The following NSD1 variants were observed in gnomAD, a reference collection of about 807,000 sequenced individuals.
The protein encoded by NSD1 is histone-lysine N-methyltransferase, H3 lysine-36 specific.
A neutral mutation model predicts 242.7 loss-of-function variants in NSD1; 26 were observed. That is an observed-to-expected ratio of 0.11 (90% CI 0.08 to 0.15). NSD1 has a LOEUF of 0.15. Ranked by LOEUF, NSD1 falls within the 10% of genes least tolerant of loss-of-function variation. The pLI is 1.00. For missense variants in NSD1, 2,495 were observed against 3,272.8 expected, an observed-to-expected ratio of 0.76 and a Z score of 5.80; for synonymous variants, 1,106 against 1,178.1, an observed-to-expected ratio of 0.94 and a Z score of 1.25.
intron 2 of NSD1, among the ~76,000 whole-genome samples, chr5:177,138,764 T>C (rs1189201230): frequency 6.6e-6 from 1 of 151,604 alleles, no homozygotes; most frequent in East Asian, 2.0e-4. Context: ...CTCAGCCTTC[T>C]GAGTAGCTGG....
At chr5:177,143,727 C>A (rs1010788018) in intron 2 of NSD1, among the ~76,000 whole-genome samples, 1 of 150,660 alleles carries the variant, frequency 6.6e-6, no homozygotes, top group Admixed American at 6.6e-5. Context: ...TTCCTCAGTT[C>A]TAAATTACGG....
In NSD1 at chr5:177,265,023, G is replaced by GATTT. The variant is rs1017638390; in HGVS notation, c.5147-2538_5147-2535dup. 3.9e-6 allele frequency: 3 copies of GATTT among 772,968 alleles called. No individual in the cohort carries two copies. The Admixed American group carries it at 5.1e-5, about 13-fold the overall frequency. The allele number at this position is 772,968 out of a possible 1,614,324, so 47.9% of individuals were successfully genotyped here. ...AACAAGGGCAAGATTCTTGCCAAGA[G>GATTT]ATTTCATGTGCATATTGAGCACATT... On this transcript the variant is annotated intron_variant, in intron 14 of 22. Transcript: ENST00000439151.
intron 20 of NSD1, among the ~76,000 whole-genome samples, chr5:177,286,942 A>T (rs1252951719): frequency 6.6e-6 from 1 of 152,168 alleles, no homozygotes; most frequent in African/African-American, 2.4e-5. Flanking sequence ...ATGAGACAGG[A>T]TGTGCTAAGG....
intron 2 of NSD1, chr5:177,137,073 A>C (rs1756400256): frequency 2.3e-6 from 1 of 427,132 alleles, no homozygotes; most frequent in African/African-American, 2.0e-5. Context: ...GTATTGTTAG[A>C]GGGTGATAAA....
Position 177,209,653 on chromosome 5 carries a change from G to C in NSD1, c.1254G>C (p.Leu418Phe). The C allele has an allele frequency of 6.2e-7, 1 of 1,613,450 alleles. No homozygotes were observed. Among genetic ancestry groups the C allele is most frequent in the Non-Finnish European group, 8.5e-7 (1 of 1,179,802 alleles). Residue 418 changes from leucine (L) to phenylalanine (F), a missense_variant, in exon 5 of 23, where the codon TTG (leucine) becomes TTC (phenylalanine). By Grantham distance (22) the Leu-to-Phe change is conservative (BLOSUM62 0). This residue lies in a region of NSD1 where 65 missense variants were observed against 136.2 expected (regional missense o/e 0.48). Transcript: ENST00000439151. ...AATTTAAGGTTCCTCAGAAAATTTT[G>C]AGTAAATGGGAAGCCAGTGTTGGAC... Reference protein sequence around the residue: ...GYRHKVPQKILSKWEASVGLA... With the variant: ...GYRHKVPQKIFSKWEASVGLA...
chr5:177,158,477 A>G (rs1581159510), intron 2 of NSD1, among the ~76,000 whole-genome samples: 1 of 151,484 alleles, frequency 6.6e-6, no homozygotes, highest in Non-Finnish European at 1.5e-5. Flanking sequence ...AGCTTGGACT[A>G]CAGGCGCCCG....
intron 2 of NSD1, 117 bp from the exon 3 acceptor site, chr5:177,191,767 G>A: frequency 1.0e-6 from 1 of 1,001,032 alleles, no homozygotes; most frequent in Non-Finnish European, 1.5e-6. Flanking sequence ...TTTTAGGCTA[G>A]AGTGTTTTCA....
At position 177,296,724 on chromosome 5, in the gene NSD1, T is replaced by C. The variant is rs981506856; in HGVS notation, c.*1265T>C. ...GAGATGACTCCTATTAACTGCTGAT[T>C]ATCTGTTACTGCTGCCCTGAGCTGG... On this transcript the variant is annotated 3_prime_UTR_variant, in exon 23 of 23. Transcript: ENST00000439151. 2.6e-5 allele frequency: 6 copies of C among 233,246 alleles called. No homozygotes were observed. Among genetic ancestry groups the C allele is most frequent in the Non-Finnish European group, 5.1e-5 (6 of 118,104 alleles). 14.4% of individuals were successfully genotyped at this position (233,246 alleles called of 1,614,324 possible). A position where few individuals can be genotyped will look rare whatever the true frequency, so the allele number is the denominator to read the frequency against.
chr5:177,228,387 T>C (rs1460996392), intron 5 of NSD1, among the ~76,000 whole-genome samples: 1 of 151,988 alleles, frequency 6.6e-6, no homozygotes, highest in Non-Finnish European at 1.5e-5. Flanking sequence ...AAGCAGATTT[T>C]TGTATTTTTA....
At chr5:177,281,476 G>T (rs1758875670) in intron 18 of NSD1, among the ~76,000 whole-genome samples, 1 of 151,898 alleles carries the variant, frequency 6.6e-6, no homozygotes, top group African/African-American at 2.4e-5. Flanking sequence ...TATGTGCCAG[G>T]TATTGTGCTG....
chr5:177,274,968 A>G (rs1758249326), intron 17 of NSD1, among the ~76,000 whole-genome samples: 1 of 151,822 alleles, frequency 6.6e-6, no homozygotes, highest in African/African-American at 2.4e-5. Context: ...TCCTGACCTC[A>G]AGTGATTCAC....
At chr5:177,156,837 A>T (rs1254982096) in intron 2 of NSD1, among the ~76,000 whole-genome samples, 1 of 151,986 alleles carries the variant, frequency 6.6e-6, no homozygotes, top group Admixed American at 6.6e-5. Flanking sequence ...GTTCAAGACC[A>T]GCCTGGCCAA....
At chr5:177,278,210 C>T (rs72813175) in intron 17 of NSD1, among the ~76,000 whole-genome samples, 81 of 152,274 alleles carry the variant, frequency 5.3e-4, no homozygotes, top group Non-Finnish European at 1.0e-3. Flanking sequence ...CAGGTCTATA[C>T]GATCCTCCCA....
intron 21 of NSD1, 106 bp from the exon 22 acceptor site, chr5:177,291,848 C>T: frequency 1.9e-6 from 2 of 1,069,084 alleles, no homozygotes; most frequent in South Asian, 1.4e-5. Flanking sequence ...TCATGACAAT[C>T]TCTTTTCCCA....
chr5:177,161,342 T>G (rs1758729270), intron 2 of NSD1, among the ~76,000 whole-genome samples: 1 of 151,826 alleles, frequency 6.6e-6, no homozygotes, highest in South Asian at 2.1e-4. Context: ...GATTATGCAC[T>G]CCAGCCTGGG....
At chr5:177,131,963 G>A (rs1755915858), upstream of NSD1, among the ~76,000 whole-genome samples, 1 of 152,252 alleles carries the variant, frequency 6.6e-6, no homozygotes, top group African/African-American at 2.4e-5. Flanking sequence ...ATCAAGCCCA[G>A]GGGGCGACGG....
chr5:177,208,750 C>CGA (rs1398429682), intron 4 of NSD1, among the ~76,000 whole-genome samples: 7 of 151,774 alleles, frequency 4.6e-5, no homozygotes, highest in Admixed American at 4.6e-4. Context: ...CTTGCTCTGT[C>CGA]CCCCATGCTG....
intron 2 of NSD1, among the ~76,000 whole-genome samples, chr5:177,145,879 G>T (rs1757198656): frequency 7.0e-6 from 1 of 143,470 alleles, no homozygotes; most frequent in Non-Finnish European, 1.5e-5. Flanking sequence ...TTGCACTCCA[G>T]CCTGGGCTAG....
chr5:177,171,905 T>G (rs1208830483), intron 2 of NSD1, among the ~76,000 whole-genome samples: 3 of 152,386 alleles, frequency 2.0e-5, no homozygotes, highest in Non-Finnish European at 4.4e-5. Flanking sequence ...AATGTCGCTA[T>G]GAACATGGGT....
Sources: gnomAD v4.1 joint callset for allele counts (sites outside exome capture counted in the v4.1 genomes callset) on GRCh38, gnomAD v4.1.1 for gene constraint, gnomAD v4.1.1 regional missense constraint, MANE v1.5 for transcripts, NCBI Gene and HGNC (gene_info 2026-07-23, HGNC 2026-07-21) for gene names.